RFX4: variants seen among roughly 807,000 people sequenced by gnomAD.
The protein encoded by RFX4 is transcription factor RFX4.
In RFX4, 10 loss-of-function variants were observed where a neutral mutation model predicts 95.0. The observed-to-expected ratio is 0.11, with a 90% CI of 0.06 to 0.18. RFX4 has a LOEUF of 0.18. RFX4 is among the 10% of genes least tolerant of loss of function. The probability of loss-of-function intolerance (pLI) is 1.00; values close to 1 mark genes in which losing one functional copy is unlikely to be tolerated. For synonymous variants in RFX4, 321 were observed against 340.7 expected (o/e 0.94, Z 0.64); for missense variants, 640 against 922.0 (o/e 0.69, Z 3.96).
intron 10 of RFX4, among the ~76,000 whole-genome samples, chr12:106,713,931 G>A (rs2042234847): frequency 6.6e-6 from 1 of 151,866 alleles, no homozygotes. Context: ...TTAGCTGGGT[G>A]TGGCAGCATG....
chr12:106,618,357 A>G (rs1227767700), intron 2 of RFX4, among the ~76,000 whole-genome samples: 1 of 152,132 alleles, frequency 6.6e-6, no homozygotes, highest in African/African-American at 2.4e-5. Flanking sequence ...GTATGTTAAT[A>G]TCTCCAGCTC....
intron 2 of RFX4, among the ~76,000 whole-genome samples, chr12:106,637,485 A>G (rs1408976297): frequency 6.6e-6 from 1 of 152,120 alleles, no homozygotes; most frequent in Non-Finnish European, 1.5e-5. Context: ...TCTTTTCCAT[A>G]TAAATTTTAT....
intron 2 of RFX4, among the ~76,000 whole-genome samples, chr12:106,609,424 G>C (rs1209265434): frequency 6.6e-6 from 1 of 152,204 alleles, no homozygotes; most frequent in Non-Finnish European, 1.5e-5. Flanking sequence ...AGAGCAGTAG[G>C]CTACATGGGA....
chr12:106,610,988 GT>G (rs796416921), intron 2 of RFX4, among the ~76,000 whole-genome samples: 72 of 146,860 alleles, frequency 4.9e-4, no homozygotes, highest in Admixed American at 8.8e-4. Flanking sequence ...GTTATTTTCT[GT>G]TTTTTTTTTA....
At chr12:106,649,463 C>T (rs1027016016) in intron 3 of RFX4, among the ~76,000 whole-genome samples, 1 of 152,178 alleles carries the variant, frequency 6.6e-6, no homozygotes, top group Admixed American at 6.5e-5. Flanking sequence ...AGGAACAAAA[C>T]GTGGGCTGAA....
In RFX4 at chr12:106,710,483, T is replaced by C. The variant is rs139578667; in HGVS notation, c.935-970T>C. Among the ~76,000 whole-genome samples the C allele has an allele frequency of 2.1e-3, 325 of 152,082 alleles. 1 individual carries two copies. Among genetic ancestry groups the C allele is most frequent in the African/African-American group, 7.6e-3 (315 of 41,500 alleles). ...GTCCATCTGCCCCCTCCCACCCCCATTCCTCCACTCCACACCTTATTTTTC... is the reference window on the plus strand; with the variant it reads ...GTCCATCTGCCCCCTCCCACCCCCACTCCTCCACTCCACACCTTATTTTTC... On this transcript the variant is annotated intron_variant, in intron 9 of 17. Transcript: ENST00000392842.
At chr12:106,598,478 A>G (rs1053641983) in intron 1 of RFX4, among the ~76,000 whole-genome samples, 1 of 152,234 alleles carries the variant, frequency 6.6e-6, no homozygotes, top group African/African-American at 2.4e-5. Context: ...ACACAAAAAA[A>G]GAAAAGAAAG....
chr12:106,628,157 G>T (rs2040342508), intron 2 of RFX4, among the ~76,000 whole-genome samples: 2 of 152,100 alleles, frequency 1.3e-5, no homozygotes. Context: ...TGCCCATTCT[G>T]CCCGCAGTGT....
At chr12:106,594,307 G>C in intron 1 of RFX4, among the ~76,000 whole-genome samples, 1 of 152,192 alleles carries the variant, frequency 6.6e-6, no homozygotes. Flanking sequence ...GATTTCTAAA[G>C]CGTCGAGCGG....
At chr12:106,693,090 C>T (rs1167488293) in intron 7 of RFX4, 2 of 440,052 alleles carry the variant, frequency 4.5e-6, no homozygotes, top group Non-Finnish European at 9.1e-6. Flanking sequence ...GAGATCCTGT[C>T]AGCTCCACCT....
Position 106,732,364 on chromosome 12 carries a change from G to T in RFX4, c.1471+115G>T, listed in dbSNP as rs2042629523. On this transcript the variant is annotated intron_variant, in intron 14 of 17. Transcript: ENST00000392842. ...TCAAAGAATTTAGTTATGGTGAACA[G>T]GTTAAGTGGTATCAAACCAATCATG... is the stretch of plus-strand genomic sequence containing the variant. The T allele has an allele frequency of 1.2e-5, 17 of 1,395,148 alleles. No individual in the cohort carries two copies. In the South Asian group the frequency reaches 2.1e-4, roughly 18 times the overall value. 86.4% of individuals were successfully genotyped at this position (1,395,148 alleles called of 1,614,324 possible). A position where few individuals can be genotyped will look rare whatever the true frequency, so the allele number is the denominator to read the frequency against.
At chr12:106,693,058 C>T (rs376213235) in intron 7 of RFX4, 32 of 406,018 alleles carry the variant, frequency 7.9e-5, no homozygotes, top group Non-Finnish European at 1.5e-4. Flanking sequence ...CTTTCCCTCA[C>T]CCTTCAGATC....
At chr12:106,732,833 C>G (rs1371006155) in intron 14 of RFX4, 91 bp from the exon 15 acceptor site, 2 of 1,286,698 alleles carry the variant, frequency 1.6e-6, no homozygotes, top group Middle Eastern at 1.9e-4. Context: ...TGACATCACA[C>G]AGATTAGAAT....
chr12:106,673,354 C>G (rs2041323364), intron 4 of RFX4, among the ~76,000 whole-genome samples: 1 of 152,200 alleles, frequency 6.6e-6, no homozygotes, highest in African/African-American at 2.4e-5. Flanking sequence ...TGAGGTTGAG[C>G]TCTTGCCCTG....
chr12:106,681,032 A>G (rs185682337), intron 4 of RFX4: 9 of 152,128 alleles, frequency 5.9e-5, no homozygotes, highest in Admixed American at 5.9e-4. Flanking sequence ...CACAAACATC[A>G]TCTCCGTAAA....
intron 3 of RFX4, among the ~76,000 whole-genome samples, chr12:106,647,203 T>G (rs2040764668): frequency 6.6e-6 from 1 of 152,308 alleles, no homozygotes; most frequent in South Asian, 2.1e-4. Flanking sequence ...ATATAGTAGG[T>G]GCTCAATAAA....
chr12:106,662,598 G>T (rs2041096551), intron 4 of RFX4, among the ~76,000 whole-genome samples: 1 of 152,018 alleles, frequency 6.6e-6, no homozygotes, highest in Non-Finnish European at 1.5e-5. Flanking sequence ...CTCTTTCACG[G>T]ATTGTGCCTT....
intron 13 of RFX4, among the ~76,000 whole-genome samples, chr12:106,724,000 A>C (rs999918638): frequency 6.6e-6 from 1 of 152,180 alleles, no homozygotes; most frequent in African/African-American, 2.4e-5. Context: ...AAAGAAAATT[A>C]ATAACAACAC....
chr12:106,758,540 A>G (rs960560016), intron 17 of RFX4, among the ~76,000 whole-genome samples: 3 of 152,180 alleles, frequency 2.0e-5, no homozygotes, highest in Non-Finnish European at 2.9e-5. Context: ...TGTGGAAAAG[A>G]GCCCAAGTCC....
Sources: allele counts gnomAD v4.1 joint callset (sites outside exome capture counted in the v4.1 genomes callset), GRCh38; gene constraint gnomAD v4.1.1; transcripts MANE v1.5; gene names NCBI Gene and HGNC (gene_info 2026-07-23, HGNC 2026-07-21).